GATAD2A: variants seen among roughly 807,000 people sequenced by gnomAD.
The protein encoded by GATAD2A is GATA zinc finger domain containing 2A.
A neutral mutation model predicts 68.5 loss-of-function variants in GATAD2A; 12 were observed. The observed-to-expected ratio is 0.18, with a 90% CI of 0.11 to 0.28. The LOEUF is 0.28. Ranked by LOEUF, GATAD2A falls within the 10% of genes least tolerant of loss-of-function variation. GATAD2A has a pLI of 1.00. For synonymous variants in GATAD2A, 410 were observed against 375.3 expected (o/e 1.09, Z -1.07); for missense variants, 755 against 868.5 (o/e 0.87, Z 1.64).
intron 1 of GATAD2A, among the ~76,000 whole-genome samples, chr19:19,441,369 A>C (rs1342832428): frequency 6.6e-6 from 1 of 151,564 alleles, no homozygotes; most frequent in Non-Finnish European, 1.5e-5. Context: ...TGCAATAAAA[A>C]CCCAAAGCAC....
chr19:19,495,817 G>C lies in GATAD2A; in HGVS notation c.688G>C (p.Ala230Pro). ...PPPLVRGGQQ[A>P]SSKLGPQASS... Reference sequence around the variant, plus strand: ...GCCCCTGGTCCGAGGTGGGCAGCAGGCGTCCTCGAAGCTGGGGCCACAGGC... The same window carrying C: ...GCCCCTGGTCCGAGGTGGGCAGCAGCCGTCCTCGAAGCTGGGGCCACAGGC... Residue 230 changes from alanine to proline, a missense_variant, in exon 6 of 12, where the codon GCG (alanine) becomes CCG (proline). Physicochemically the swap from Ala to Pro is conservative, Grantham distance 27. Coordinates refer to ENST00000683918, the MANE Select transcript of GATAD2A (RefSeq NM_001384528.1). 1 of 1,613,638 alleles carries C rather than the reference G, an allele frequency of 6.2e-7. No individual in the cohort carries two copies. Among genetic ancestry groups the C allele is most frequent in the Non-Finnish European group, 8.5e-7 (1 of 1,179,850 alleles).
At chr19:19,457,230 G>T (rs1344978471) in intron 1 of GATAD2A, 5 of 985,346 alleles carry the variant, frequency 5.1e-6, no homozygotes, top group South Asian at 4.7e-5. Flanking sequence ...CTGTTATCTG[G>T]TGAGTGATTG....
At chr19:19,462,458 G>A (rs1002833788) in intron 1 of GATAD2A, among the ~76,000 whole-genome samples, 5 of 152,236 alleles carry the variant, frequency 3.3e-5, no homozygotes, top group Non-Finnish European at 7.4e-5. Flanking sequence ...GCAGGGCCCC[G>A]CCCCGCAGTG....
chr19:19,502,837 ACACCCCT>A (rs2060628578), intron 11 of GATAD2A, among the ~76,000 whole-genome samples: 1 of 152,238 alleles, frequency 6.6e-6, no homozygotes, highest in Non-Finnish European at 1.5e-5. Flanking sequence ...TTGTCAGCAC[ACACCCCT>A]ATCTTGCCCA....
intron 2 of GATAD2A, among the ~76,000 whole-genome samples, chr19:19,477,295 A>G (rs911575159): frequency 6.6e-6 from 1 of 152,192 alleles, no homozygotes; most frequent in Non-Finnish European, 1.5e-5. Flanking sequence ...GACCTGTGCC[A>G]TAGGACTGCG....
At chr19:19,495,475 AT>A (rs2060081751) in intron 5 of GATAD2A, among the ~76,000 whole-genome samples, 1 of 151,750 alleles carries the variant, frequency 6.6e-6, no homozygotes, top group South Asian at 2.1e-4. Context: ...CGCCTGGCTA[AT>A]TTTTGTATTT....
intron 1 of GATAD2A, among the ~76,000 whole-genome samples, chr19:19,463,354 C>T (rs562196487): frequency 8.5e-5 from 13 of 152,188 alleles, no homozygotes; most frequent in African/African-American, 2.4e-4. Flanking sequence ...CAAGGCATGT[C>T]GGAGGAAGGA....
rs111979712 is a variant in GATAD2A, at chr19:19,496,868, C to T, written c.924+649C>T. Among the ~76,000 whole-genome samples the T allele has an allele frequency of 8.7e-3, 1,329 of 152,256 alleles. 14 individuals carry two copies. The highest frequency in any genetic ancestry group is 0.031 in the African/African-American group (1,282 of 41,532). ...AGGGGCTTTTGTTGGTGGGCGTGTT[C>T]GCTCTTTCTTCCCTCTTTGGCACAG... On this transcript the variant is annotated intron_variant, in intron 7 of 11. Coordinates refer to ENST00000683918, the MANE Select transcript of GATAD2A (RefSeq NM_001384528.1).
At position 19,415,620 on chromosome 19, in the gene GATAD2A, T is replaced by A. The variant is rs890529593; in HGVS notation, c.-7+9601T>A. 1.1e-4 allele frequency among the ~76,000 whole-genome samples: 16 copies of A among 144,280 alleles called. 1 individual carries two copies. In the South Asian group the frequency reaches 3.2e-3, roughly 29 times the overall value. 94.7% of individuals were successfully genotyped at this position (144,280 alleles called of 152,430 possible). ...GTGCGCCACCATGCCGGGCTAATATTTTTTTTTTTTTTTTTTTTGAGACAG... is the reference window on the plus strand; with the variant it reads ...GTGCGCCACCATGCCGGGCTAATATATTTTTTTTTTTTTTTTTTGAGACAG... On this transcript the variant is annotated intron_variant, in intron 1 of 11. Transcript: ENST00000683918.
chr19:19,470,083 TTAA>T (rs2058168616), intron 2 of GATAD2A, among the ~76,000 whole-genome samples: 1 of 151,886 alleles, frequency 6.6e-6, no homozygotes, highest in South Asian at 2.1e-4. Context: ...AGTAACTGTA[TTAA>T]TAAGAGATAA....
chr19:19,395,355 T>G (rs2146891112), intron 1 of GATAD2A, among the ~76,000 whole-genome samples: 1 of 152,108 alleles, frequency 6.6e-6, no homozygotes, highest in South Asian at 2.1e-4. Flanking sequence ...CTCTGGAGGC[T>G]GAGGCAGGAG....
intron 9 of GATAD2A, 92 bp from the exon 10 acceptor site, chr19:19,501,876 AG>A: frequency 1.1e-6 from 1 of 897,692 alleles, no homozygotes; most frequent in Non-Finnish European, 1.8e-6. Flanking sequence ...TAAAGTCCCC[AG>A]GGGACGGGCC....
At chr19:19,456,357 T>A (rs1022386256) in intron 1 of GATAD2A, among the ~76,000 whole-genome samples, 2 of 152,078 alleles carry the variant, frequency 1.3e-5, no homozygotes, top group Admixed American at 6.6e-5. Flanking sequence ...ACAGCCTCCC[T>A]CCAGCAGAAA....
chr19:19,395,086 G>A (rs972017648), intron 1 of GATAD2A, among the ~76,000 whole-genome samples: 2 of 152,352 alleles, frequency 1.3e-5, no homozygotes, highest in South Asian at 2.1e-4. Flanking sequence ...CTTGGGAAGT[G>A]GATGCTTGCT....
intron 2 of GATAD2A, among the ~76,000 whole-genome samples, chr19:19,471,283 C>T (rs892378772): frequency 6.6e-6 from 1 of 151,706 alleles, no homozygotes. Flanking sequence ...TGGAAGCAAC[C>T]CAGTGTCCCA....
chr19:19,462,857 G>A (rs1329288320), intron 1 of GATAD2A, among the ~76,000 whole-genome samples: 3 of 152,184 alleles, frequency 2.0e-5, no homozygotes, highest in Admixed American at 2.0e-4. Context: ...CTCATTCAGG[G>A]TCTTGGGTTC....
intron 4 of GATAD2A, among the ~76,000 whole-genome samples, chr19:19,493,003 C>A (rs1680040251): frequency 6.7e-6 from 1 of 150,154 alleles, no homozygotes; most frequent in African/African-American, 2.5e-5. Flanking sequence ...TGCATTGACG[C>A]AACCTTGGCT....
At chr19:19,427,312 AT>A (rs1047866529) in intron 1 of GATAD2A, among the ~76,000 whole-genome samples, 1 of 152,200 alleles carries the variant, frequency 6.6e-6, no homozygotes, top group African/African-American at 2.4e-5. Flanking sequence ...CAATAAAAAA[AT>A]GAACCTTTCT....
intron 1 of GATAD2A, among the ~76,000 whole-genome samples, chr19:19,408,426 A>T (rs981687674): frequency 6.6e-6 from 1 of 152,220 alleles, no homozygotes; most frequent in African/African-American, 2.4e-5. Context: ...GGTAGGAAAA[A>T]ATCCTGGAAG....
Sources: allele counts gnomAD v4.1 joint callset (sites outside exome capture counted in the v4.1 genomes callset), GRCh38; gene constraint gnomAD v4.1.1; transcripts MANE v1.5; gene names NCBI Gene and HGNC (gene_info 2026-07-23, HGNC 2026-07-21).